Variants in ITPR2 observed in about 807,000 individuals in gnomAD.
ITPR2 encodes the protein inositol 1,4,5-trisphosphate-gated calcium channel ITPR2.
A neutral mutation model predicts 317.1 loss-of-function variants in ITPR2; 207 were observed. That is an observed-to-expected ratio of 0.65 (90% CI 0.58 to 0.73). The LOEUF (loss-of-function observed/expected upper bound fraction) is 0.73. Ranked by LOEUF, ITPR2 falls within the 30% of genes least tolerant of loss-of-function variation. The probability of loss-of-function intolerance (pLI) is 0.00; values close to 1 mark genes in which losing one functional copy is unlikely to be tolerated. For synonymous variants in ITPR2, 1,156 were observed against 1,149.1 expected (o/e 1.01, Z -0.12); for missense variants, 2,613 against 3,284.0 (o/e 0.80, Z 4.99).
chr12:26,656,308 G>A lies in ITPR2; in HGVS notation c.2433C>T (p.Ile811=), dbSNP rs756253177. The A allele has an allele frequency of 6.2e-7, 1 of 1,614,166 alleles. No homozygotes were observed. Among genetic ancestry groups the A allele is most frequent in the South Asian group, 1.1e-5 (1 of 91,076 alleles). Reference sequence around the variant, plus strand: ...TTTTCCAAACATACTCATGAATTGTGATCTTTGTGGGGATTTCTGTCCAGA... The same window carrying A: ...TTTTCCAAACATACTCATGAATTGTAATCTTTGTGGGGATTTCTGTCCAGA... ...ARLWTEIPTK[I]TIHEYDSITD... is the part of the protein sequence containing the mutation. The change falls in exon 19 of 57, where the codon ATC becomes ATT. Residue 811 remains isoleucine (I), a synonymous_variant. Coordinates refer to ENST00000381340, the MANE Select transcript of ITPR2 (RefSeq NM_002223.4).
At chr12:26,382,601 G>A (rs1269478089) in intron 55 of ITPR2, among the ~76,000 whole-genome samples, 2 of 152,044 alleles carry the variant, frequency 1.3e-5, no homozygotes, top group Admixed American at 1.3e-4. Flanking sequence ...GGAGGCAGAG[G>A]TTGCAGTGAG....
At chr12:26,672,887 A>G (rs1263858794) in intron 13 of ITPR2, among the ~76,000 whole-genome samples, 2 of 152,198 alleles carry the variant, frequency 1.3e-5, no homozygotes, top group African/African-American at 4.8e-5. Context: ...GATCCCACAG[A>G]AATACAAACT....
intron 41 of ITPR2, 144 bp downstream of exon 41, chr12:26,485,960 T>C (rs989530690): frequency 3.4e-6 from 3 of 869,722 alleles, no homozygotes; most frequent in African/African-American, 3.4e-5. Flanking sequence ...TACCAAAGTT[T>C]CTTCCCATTT....
chr12:26,651,714 C>A (rs1947259156), intron 21 of ITPR2, among the ~76,000 whole-genome samples: 1 of 152,256 alleles, frequency 6.6e-6, no homozygotes, highest in African/African-American at 2.4e-5. Flanking sequence ...GACATTTACA[C>A]ATTCAGCAGA....
chr12:26,733,035 GA>G (rs1439994451), intron 2 of ITPR2, among the ~76,000 whole-genome samples: 3 of 152,148 alleles, frequency 2.0e-5, no homozygotes, highest in African/African-American at 7.2e-5. Flanking sequence ...CAGATGGTAA[GA>G]AAACCACTGG....
intron 37 of ITPR2, among the ~76,000 whole-genome samples, chr12:26,503,948 T>C (rs1242681415): frequency 6.6e-6 from 1 of 152,210 alleles, no homozygotes; most frequent in Non-Finnish European, 1.5e-5. Context: ...CCTTCTATAA[T>C]TTTTCAAGAG....
At chr12:26,692,790 AC>A (rs1948264905) in intron 10 of ITPR2, among the ~76,000 whole-genome samples, 1 of 152,068 alleles carries the variant, frequency 6.6e-6, no homozygotes, top group African/African-American at 2.4e-5. Context: ...TTTCTAAATT[AC>A]AAAAAAAAAA....
In ITPR2 at chr12:26,349,402, G is replaced by A. The variant is rs1938410280; in HGVS notation, c.7858-9074C>T. ...GAACTGTTAGATTCCTGTAAATGTG[G>A]TGCAGTACCAAATTTGTGTGGATTG... is the stretch of plus-strand genomic sequence containing the variant. On this transcript the variant is annotated intron_variant, in intron 55 of 56. Coordinates refer to ENST00000381340, the MANE Select transcript of ITPR2 (RefSeq NM_002223.4). 3.3e-5 allele frequency among the ~76,000 whole-genome samples: 5 copies of A among 152,152 alleles called. No individual in the cohort carries two copies. The South Asian group carries it at 1.0e-3, about 31-fold the overall frequency.
intron 43 of ITPR2, among the ~76,000 whole-genome samples, chr12:26,477,967 T>C (rs1004695738): frequency 4.6e-5 from 7 of 152,134 alleles, no homozygotes; most frequent in African/African-American, 1.7e-4. Context: ...CAATCTTTGA[T>C]AGAAGTACAA....
rs182343389 is a variant in ITPR2 at position 26,641,911 on chromosome 12, T to C, written c.2741-9852A>G. On this transcript the variant is annotated intron_variant, in intron 21 of 56. Coordinates refer to ENST00000381340, the MANE Select transcript of ITPR2 (RefSeq NM_002223.4). ...GTCCAATAGTCATACAGATACTTTTTATAAAACTTATAAAAGCTTAGAAGG... is the reference window on the plus strand; with the variant it reads ...GTCCAATAGTCATACAGATACTTTTCATAAAACTTATAAAAGCTTAGAAGG... 1.8e-3 allele frequency among the ~76,000 whole-genome samples: 263 copies of C among 146,414 alleles called. 1 individual carries two copies. The highest frequency in any genetic ancestry group is 6.5e-3 in the African/African-American group (253 of 39,106).
chr12:26,726,465 T>A (rs1948925709), intron 2 of ITPR2, among the ~76,000 whole-genome samples: 1 of 152,220 alleles, frequency 6.6e-6, no homozygotes, highest in South Asian at 2.1e-4. Flanking sequence ...CGCCACATGC[T>A]AATGATTTTG....
intron 1 of ITPR2, among the ~76,000 whole-genome samples, chr12:26,804,880 G>A (rs939198882): frequency 3.9e-5 from 6 of 152,066 alleles, no homozygotes; most frequent in African/African-American, 9.6e-5. Flanking sequence ...GACTACAGGC[G>A]TGCACCACCA....
intron 48 of ITPR2, among the ~76,000 whole-genome samples, chr12:26,431,480 A>G (rs1327808014): frequency 6.6e-6 from 1 of 152,156 alleles, no homozygotes; most frequent in Admixed American, 6.5e-5. Flanking sequence ...CCTTAAACAA[A>G]CAAACAGCCA....
At chr12:26,458,407 C>T (rs1941939357) in intron 45 of ITPR2, among the ~76,000 whole-genome samples, 1 of 152,158 alleles carries the variant, frequency 6.6e-6, no homozygotes, top group Non-Finnish European at 1.5e-5. Context: ...CAACATAGCA[C>T]ACTCAGATCG....
At chr12:26,832,631 AG>A in intron 1 of ITPR2, 58 bp downstream of exon 1, 1 of 1,332,166 alleles carries the variant, frequency 7.5e-7, no homozygotes, top group South Asian at 1.2e-5. Flanking sequence ...GAGGAGGGAC[AG>A]GGACTGGTTC....
intron 30 of ITPR2, 54 bp downstream of exon 30, chr12:26,599,091 A>G: frequency 6.8e-7 from 1 of 1,473,842 alleles, no homozygotes. Context: ...TAGAAAATGC[A>G]TATTTGAACA....
rs34106132 is a variant in ITPR2 at position 26,773,981 on chromosome 12, ATTT to A, written c.163+16173_163+16175del. Reference sequence around the variant, plus strand: ...CATAGAAACAACATTCAACTGGAGAATTTTTTTTTTTTTTTTTTTTTTTTTTTT... The same window carrying A: ...CATAGAAACAACATTCAACTGGAGAATTTTTTTTTTTTTTTTTTTTTTTTT... On this transcript the variant is annotated intron_variant, in intron 2 of 56. Coordinates refer to ENST00000381340, the MANE Select transcript of ITPR2 (RefSeq NM_002223.4). Among the ~76,000 whole-genome samples the A allele has an allele frequency of 1.3e-3, 116 of 91,398 alleles. 2 individuals are homozygous for A. The highest frequency in any genetic ancestry group is 4.0e-3 in the East Asian group (12 of 3,036). The allele number at this position is 91,398 out of a possible 152,430, so 60.0% of individuals were successfully genotyped here. A position where few individuals can be genotyped will look rare whatever the true frequency, so the allele number is the denominator to read the frequency against.
chr12:26,459,624 A>G (rs1941966388), intron 45 of ITPR2, among the ~76,000 whole-genome samples: 1 of 152,058 alleles, frequency 6.6e-6, no homozygotes, highest in African/African-American at 2.4e-5. Flanking sequence ...CTTTTATATC[A>G]CATTCCCTCA....
At chr12:26,379,121 G>C (rs1017824698) in intron 55 of ITPR2, among the ~76,000 whole-genome samples, 3 of 152,158 alleles carry the variant, frequency 2.0e-5, no homozygotes, top group Admixed American at 2.0e-4. Flanking sequence ...GGCACATTAT[G>C]GGCATGGCAT....
Sources: gnomAD v4.1 joint callset for allele counts (sites outside exome capture counted in the v4.1 genomes callset) on GRCh38, gnomAD v4.1.1 for gene constraint, MANE v1.5 for transcripts, NCBI Gene and HGNC (gene_info 2026-07-23, HGNC 2026-07-21) for gene names.